CROCC: variants seen among roughly 807,000 people sequenced by gnomAD.
The protein encoded by CROCC is rootletin.
Under a neutral mutation model 245.2 loss-of-function variants are expected in CROCC, and 180 were observed. The ratio of observed to expected loss-of-function variants is 0.73; its 90% CI spans 0.65 to 0.83. CROCC has a LOEUF of 0.83. Ranked by LOEUF, CROCC falls within the 40% of genes least tolerant of loss-of-function variation. The pLI, the probability that CROCC is intolerant of heterozygous loss-of-function variation, is 0.00. For missense variants in CROCC, 2,688 were observed against 2,779.4 expected (o/e 0.97, Z 0.74); for synonymous variants, 1,205 against 1,241.6 (o/e 0.97, Z 0.62).
At chr1:16,925,780 A>C (rs2075520725) in intron 3 of CROCC, among the ~76,000 whole-genome samples, 1 of 152,272 alleles carries the variant, frequency 6.6e-6, no homozygotes, top group Non-Finnish European at 1.5e-5. Context: ...GGACTTGTAG[A>C]GGAGCAGAGT....
intron 8 of CROCC, among the ~76,000 whole-genome samples, chr1:16,934,634 G>A (rs1157234155): frequency 5.3e-5 from 8 of 152,360 alleles, no homozygotes; most frequent in Admixed American, 5.2e-4. Context: ...AAAATTTTAA[G>A]TAGCCTTTAA....
rs2076606 is a variant in CROCC at position 16,954,508 on chromosome 1, T to C, written c.3321+151T>C. ...AGCCCTTCTTTTGGGAGCCCCCATC[T>C]GAGGGAGGTGGCTCAGCCCTGCCCT... On this transcript the variant is annotated intron_variant, in intron 22 of 36. Transcript: ENST00000375541. The surrounding 1 kb of genome is among the most constrained non-coding windows in gnomAD (Gnocchi z 4.4). 873,320 of 1,228,674 alleles carry C rather than the reference T, an allele frequency of 0.71. 314,097 individuals are homozygous for C. The highest frequency in any genetic ancestry group is 0.86 in the East Asian group (33,374 of 38,962). 76.1% of individuals were successfully genotyped at this position (1,228,674 alleles called of 1,614,324 possible).
chr1:16,931,175 G>A (rs2075668209), intron 7 of CROCC, 116 bp from the exon 8 acceptor site: 1 of 875,578 alleles, frequency 1.1e-6, no homozygotes. Context: ...AGACCCACAG[G>A]AAGACCCAAT....
At chr1:16,932,649 G>A (rs1163719732) in intron 8 of CROCC, among the ~76,000 whole-genome samples, 1 of 152,180 alleles carries the variant, frequency 6.6e-6, no homozygotes, top group Non-Finnish European at 1.5e-5. Flanking sequence ...CAAGGCATGA[G>A]CAAAGGCATG....
At chr1:16,947,038 G>C (rs1419533918) in intron 17 of CROCC, 47 bp downstream of exon 17, 1 of 1,491,036 alleles carries the variant, frequency 6.7e-7, no homozygotes, top group African/African-American at 1.4e-5. Context: ...ATGTGGGGCA[G>C]GCCGGGCTCC....
At chr1:16,923,839 C>A (rs1199927570) in intron 2 of CROCC, among the ~76,000 whole-genome samples, 3 of 152,246 alleles carry the variant, frequency 2.0e-5, no homozygotes, top group Admixed American at 2.0e-4. Flanking sequence ...CACCACCATG[C>A]CCAGCTAATT....
At chr1:16,923,316 G>A (rs111306452) in intron 2 of CROCC, among the ~76,000 whole-genome samples, 14 of 152,402 alleles carry the variant, frequency 9.2e-5, no homozygotes, top group African/African-American at 2.4e-4. Context: ...GGCGTGTGGC[G>A]TTTTGGTGCT....
intron 18 of CROCC, 53 bp from the exon 19 acceptor site, chr1:16,948,746 C>T (rs1445251263): frequency 1.2e-6 from 2 of 1,603,412 alleles, no homozygotes; most frequent in Non-Finnish European, 1.7e-6. Context: ...TCCACAGTTT[C>T]CTGGGGCCAG....
At position 16,940,020 on chromosome 1, in the gene CROCC, G is replaced by C. The variant is rs758361077; in HGVS notation, c.1735G>C (p.Gly579Arg). 1.2e-6 allele frequency: 2 copies of C among 1,611,450 alleles called. No homozygotes were observed. Among genetic ancestry groups the C allele is most frequent in the Non-Finnish European group, 1.7e-6 (2 of 1,179,484 alleles). ...GCAGCGCCTGCGGGACAAGACCGAC[G>C]GCGCCATGCAGGCCCACGAGGACGC... ...QLQRLRDKTD[G>R]AMQAHEDAQR... The change falls in exon 13 of 37, where the codon GGC becomes CGC. Residue 579 changes from glycine (G) to arginine (R), a missense_variant. Physicochemically the swap from Gly to Arg is moderately radical, Grantham distance 125 (BLOSUM62 -2). Transcript: ENST00000375541.
chr1:16,930,585 C>T lies in CROCC; in HGVS notation c.840C>T (p.Arg280=), dbSNP rs150247197. The part of the protein sequence containing the change: ...ELEHREAAWR[R]EEESFNAYFS... ...AGCACCGGGAGGCGGCGTGGAGGCG[C>T]GAGGAGGAGGTGGGCATGGGGGTGC... The change falls in exon 7 of 37, where the codon CGC becomes CGT. Residue 280 remains arginine (R), a synonymous_variant. Coordinates refer to ENST00000375541, the MANE Select transcript of CROCC (RefSeq NM_014675.5). 5.1e-4 allele frequency: 827 copies of T among 1,609,748 alleles called. No homozygotes were observed. Among genetic ancestry groups the T allele is most frequent in the Non-Finnish European group, 4.9e-4 (574 of 1,178,652 alleles).
chr1:16,938,973 C>T lies in CROCC; in HGVS notation c.1439C>T (p.Ser480Phe). The T allele has an allele frequency of 6.2e-7, 1 of 1,605,220 alleles. No homozygotes were observed. Among genetic ancestry groups the T allele is most frequent in the South Asian group, 1.1e-5 (1 of 89,984 alleles). The change falls in exon 12 of 37, where the codon TCC becomes TTC. Residue 480 changes from serine (S) to phenylalanine (F), a missense_variant. Coordinates refer to ENST00000375541, the MANE Select transcript of CROCC (RefSeq NM_014675.5). ...GGCTCTGAGCGCACCGCGGATGCTTCCAACGGCAGCCTGCGGGGGCTCTCG... is the reference window on the plus strand; with the variant it reads ...GGCTCTGAGCGCACCGCGGATGCTTTCAACGGCAGCCTGCGGGGGCTCTCG... ...LSGSERTADA[S>F]NGSLRGLSGQ... is the part of the protein sequence containing the mutation.
intron 35 of CROCC, chr1:16,971,093 T>G: frequency 2.2e-6 from 1 of 446,766 alleles, no homozygotes; most frequent in Non-Finnish European, 4.0e-6. Context: ...GAATATGTGT[T>G]TGTGTACAGA....
At chr1:16,938,773 T>C in intron 11 of CROCC, 136 bp from the exon 12 acceptor site, 1 of 905,474 alleles carries the variant, frequency 1.1e-6, no homozygotes, top group Non-Finnish European at 1.7e-6. Flanking sequence ...GTGGAGGAGG[T>C]GAAATCAGGA....
At chr1:16,930,775 C>T (rs1451465581) in intron 7 of CROCC, among the ~76,000 whole-genome samples, 181 bp downstream of exon 7, 1 of 152,412 alleles carries the variant, frequency 6.6e-6, no homozygotes, top group African/African-American at 2.4e-5. Flanking sequence ...ACCACGTGCA[C>T]GGTGTGCGTT....
At position 16,931,410 on chromosome 1, in the gene CROCC, C is replaced by T. The variant is rs1444906975; in HGVS notation, c.956+13C>T. 96 of 1,604,336 alleles carry T rather than the reference C, an allele frequency of 6.0e-5. No individual in the cohort carries two copies. Among genetic ancestry groups the T allele is most frequent in the Non-Finnish European group, 7.7e-5 (90 of 1,172,460 alleles). ...TGTTCACTGAGAGGTGAGGCCTGGC[C>T]GGGGACGGGGCAGCAGCTGAGAGCC... On this transcript the variant is annotated intron_variant, in intron 8 of 36. Coordinates refer to ENST00000375541, the MANE Select transcript of CROCC (RefSeq NM_014675.5).
intron 3 of CROCC, among the ~76,000 whole-genome samples, chr1:16,929,625 A>T (rs1296296125): frequency 6.6e-6 from 1 of 152,270 alleles, no homozygotes; most frequent in African/African-American, 2.4e-5. Context: ...GCTCACCTGC[A>T]TGTGTCCATG....
At chr1:16,969,688 CT>C in intron 32 of CROCC, 96 bp from the exon 33 acceptor site, 1 of 1,490,388 alleles carries the variant, frequency 6.7e-7, no homozygotes, top group Non-Finnish European at 8.9e-7. Context: ...AGATGACTGC[CT>C]GTTTTATGCT....
intron 8 of CROCC, among the ~76,000 whole-genome samples, chr1:16,935,729 C>T (rs1338502505): frequency 3.3e-5 from 5 of 152,278 alleles, no homozygotes; most frequent in Non-Finnish European, 7.3e-5. Flanking sequence ...TGGCCTTCCA[C>T]TGCTTTTTCT....
chr1:16,932,653 AGGCAT>A (rs1414276471), intron 8 of CROCC, among the ~76,000 whole-genome samples: 2 of 152,128 alleles, frequency 1.3e-5, no homozygotes, highest in African/African-American at 2.4e-5. Context: ...GCATGAGCAA[AGGCAT>A]GGAGGTGGGA....
Sources: allele counts gnomAD v4.1 joint callset (sites outside exome capture counted in the v4.1 genomes callset), GRCh38; gene constraint gnomAD v4.1.1; non-coding constraint Gnocchi (gnomAD v3.1); transcripts MANE v1.5; gene names NCBI Gene and HGNC (gene_info 2026-07-23, HGNC 2026-07-21).